The following RRBP1 variants were observed in gnomAD, a reference collection of about 807,000 sequenced individuals.
RRBP1 encodes ribosome binding protein 1, also known as ribosome-binding protein 1.
Under a neutral mutation model 165.2 loss-of-function variants are expected in RRBP1, and 94 were observed. The observed-to-expected ratio is 0.57, with a 90% CI of 0.48 to 0.68. RRBP1 has a LOEUF of 0.68. RRBP1 is among the 30% of genes least tolerant of loss of function. The pLI, the probability that RRBP1 is intolerant of heterozygous loss-of-function variation, is 0.00. For missense variants in RRBP1, 1,676 were observed against 1,763.0 expected (o/e 0.95, Z 0.88); for synonymous variants, 680 against 714.5 (o/e 0.95, Z 0.77).
intron 9 of RRBP1, among the ~76,000 whole-genome samples, chr20:17,628,982 G>T (rs751588749): frequency 1.3e-5 from 2 of 150,216 alleles, no homozygotes; most frequent in Non-Finnish European, 3.0e-5. Context: ...ATCCATCCCC[G>T]ACAGAAACAG....
chr20:17,622,007 C>T, intron 13 of RRBP1, 60 bp from the exon 14 acceptor site: 1 of 1,288,908 alleles, frequency 7.8e-7, no homozygotes, highest in Non-Finnish European at 1.1e-6. Context: ...GGGCACCTCC[C>T]CAGGTCTTTA....
At chr20:17,654,137 A>T (rs1001668044) in intron 3 of RRBP1, among the ~76,000 whole-genome samples, 1 of 152,184 alleles carries the variant, frequency 6.6e-6, no homozygotes, top group Non-Finnish European at 1.5e-5. Context: ...TGGGCCGTCC[A>T]CGTAACATAG....
At chr20:17,647,772 G>A (rs753532730) in intron 3 of RRBP1, among the ~76,000 whole-genome samples, 4 of 152,240 alleles carry the variant, frequency 2.6e-5, no homozygotes, top group Non-Finnish European at 4.4e-5. Flanking sequence ...GTCCAGATCA[G>A]TTCTGAGGGT....
chr20:17,638,324 G>A (rs973608638), intron 5 of RRBP1, among the ~76,000 whole-genome samples: 1 of 152,224 alleles, frequency 6.6e-6, no homozygotes, highest in Non-Finnish European at 1.5e-5. Flanking sequence ...CAAAGCTCAT[G>A]GAGACCAGGC....
Position 17,620,389 on chromosome 20 carries a change from G to T in RRBP1, c.3508-19C>A, listed in dbSNP as rs745935248. ...CCCGGGACTACAAAGCAAGGGGAAGGCTCCGTCAGACACGAGCACCTGGGG... is the reference window on the plus strand; with the variant it reads ...CCCGGGACTACAAAGCAAGGGGAAGTCTCCGTCAGACACGAGCACCTGGGG... On this transcript the variant is annotated intron_variant, in intron 17 of 24. Transcript: ENST00000377813. The T allele has an allele frequency of 5.0e-6, 8 of 1,607,248 alleles. No individual in the cohort carries two copies. The Admixed American group carries it at 6.7e-5, about 13-fold the overall frequency.
rs2122230490 is a variant in RRBP1, at chr20:17,614,682, C to A, written c.4194+55G>T. On this transcript the variant is annotated intron_variant, in intron 24 of 24. Transcript: ENST00000377813. ...CTCTGCCTCTCCCGGTCCTGCCTCC[C>A]CGGGGCTCCCGGCAGCTCGACTCCT... is the stretch of plus-strand genomic sequence containing the variant. 10 of 1,598,656 alleles carry A rather than the reference C, an allele frequency of 6.3e-6. No individual in the cohort carries two copies. In the South Asian group the frequency reaches 9.9e-5, roughly 16 times the overall value.
intron 3 of RRBP1, among the ~76,000 whole-genome samples, chr20:17,648,490 G>A (rs568634482): frequency 1.3e-5 from 2 of 152,378 alleles, no homozygotes; most frequent in East Asian, 3.9e-4. Context: ...CCAAGGAGGC[G>A]CAGCTGCACT....
intron 3 of RRBP1, among the ~76,000 whole-genome samples, chr20:17,652,762 C>T (rs933599698): frequency 6.6e-6 from 1 of 152,204 alleles, no homozygotes; most frequent in Non-Finnish European, 1.5e-5. Flanking sequence ...GCCGCCGCAG[C>T]CTTTCCAACA....
At position 17,659,606 on chromosome 20, in the gene RRBP1, T is replaced by A; in HGVS notation, c.902A>T (p.Lys301Met). ...KAEGAQNQAKKVEGAQNQGKK... is the reference protein window; with the variant it reads ...KAEGAQNQAKMVEGAQNQGKK... ...GCCCTGGTTCTGGGCCCCTTCTACC[T>A]TTTTGGCCTGGTTCTGAGCCCCCTC... Residue 301 changes from lysine (K) to methionine (M), a missense_variant, in exon 3 of 25, where the codon AAG becomes ATG. Lys to Met is a moderately conservative substitution (Grantham distance 95). This residue lies in a region of RRBP1 where 392 missense variants were observed against 382.5 expected (regional missense o/e 1.02). Coordinates refer to ENST00000377813, the MANE Select transcript of RRBP1 (RefSeq NM_001365613.2). The A allele has an allele frequency of 6.5e-7, 1 of 1,550,118 alleles. No individual in the cohort carries two copies. The highest frequency in any genetic ancestry group is 8.7e-7 in the Non-Finnish European group (1 of 1,146,760).
At chr20:17,641,253 T>G (rs182927462) in intron 5 of RRBP1, among the ~76,000 whole-genome samples, 1 of 152,184 alleles carries the variant, frequency 6.6e-6, no homozygotes, top group African/African-American at 2.4e-5. Flanking sequence ...CCGTTTGCTG[T>G]TCAGAGTGCA....
intron 18 of RRBP1, 50 bp downstream of exon 18, chr20:17,620,249 C>G (rs759847740): frequency 6.9e-7 from 1 of 1,442,512 alleles, no homozygotes; most frequent in Non-Finnish European, 9.8e-7. Flanking sequence ...ACGTCACTTT[C>G]AAAGAGGCTC....
At chr20:17,641,015 G>C (rs936585009) in intron 5 of RRBP1, among the ~76,000 whole-genome samples, 1 of 152,184 alleles carries the variant, frequency 6.6e-6, no homozygotes, top group Non-Finnish European at 1.5e-5. Flanking sequence ...GTGCTGCATG[G>C]GGCAAAGACG....
At position 17,617,508 on chromosome 20, in the gene RRBP1, G is replaced by A. The variant is rs867265355; in HGVS notation, c.3760-669C>T. 3.9e-5 allele frequency among the ~76,000 whole-genome samples: 6 copies of A among 152,328 alleles called. No homozygotes were observed. The South Asian group carries it at 1.0e-3, about 26-fold the overall frequency. ...ACCCCAGACATTCTTCCCTCCCTCT[G>A]AACAGCCCCTCCCAATGCAAATAAC... On this transcript the variant is annotated intron_variant, in intron 20 of 24. Coordinates refer to ENST00000377813, the MANE Select transcript of RRBP1 (RefSeq NM_001365613.2).
chr20:17,641,721 G>A (rs2036362851), intron 5 of RRBP1, 76 bp downstream of exon 5: 1 of 1,563,976 alleles, frequency 6.4e-7, no homozygotes, highest in Admixed American at 1.7e-5. Flanking sequence ...CGGAGCCCGG[G>A]ATCCACCGTG....
Position 17,615,464 on chromosome 20 carries a change from C to G in RRBP1, c.4017G>C (p.Glu1339Asp). ...LEKLRTAGPL[E>D]SSETEEASQL... ...GTGAGGCCTCCTCTGTTTCTGAAGA[C>G]TCTAGGGGGCCGGCTGTGCGGAGCT... Residue 1339 changes from glutamate to aspartate, a missense_variant, in exon 23 of 25, where the codon GAG (glutamate) becomes GAC (aspartate). This residue lies in a region of RRBP1 where 1,184 missense variants were observed against 1,167.1 expected (regional missense o/e 1.01). Coordinates refer to ENST00000377813, the MANE Select transcript of RRBP1 (RefSeq NM_001365613.2). 6.2e-7 allele frequency: 1 copy of G among 1,610,248 alleles called. No homozygotes were observed. The highest frequency in any genetic ancestry group is 8.5e-7 in the Non-Finnish European group (1 of 1,178,570).
At chr20:17,625,698 G>C (rs2036004487) in intron 11 of RRBP1, 96 bp from the exon 12 acceptor site, 25 of 1,029,534 alleles carry the variant, frequency 2.4e-5, no homozygotes, top group Non-Finnish European at 1.5e-6. Flanking sequence ...GTACCTTCGA[G>C]GCTGAACCAT....
intron 19 of RRBP1, chr20:17,619,430 TGC>T: frequency 2.1e-6 from 1 of 467,186 alleles, no homozygotes. Context: ...GCTGGGAGGC[TGC>T]CTTTTTGAAA....
At chr20:17,637,687 C>A (rs1027506794) in intron 5 of RRBP1, among the ~76,000 whole-genome samples, 1 of 152,194 alleles carries the variant, frequency 6.6e-6, no homozygotes, top group African/African-American at 2.4e-5. Flanking sequence ...TGGGAAAGAA[C>A]CCTGAGGAGG....
At chr20:17,630,371 C>A (rs1443787925) in intron 8 of RRBP1, among the ~76,000 whole-genome samples, 1 of 152,242 alleles carries the variant, frequency 6.6e-6, no homozygotes, top group Non-Finnish European at 1.5e-5. Flanking sequence ...ACATGTTACA[C>A]ACACACACGC....
Sources: gnomAD v4.1 joint callset for allele counts (sites outside exome capture counted in the v4.1 genomes callset) on GRCh38, gnomAD v4.1.1 for gene constraint, gnomAD v4.1.1 regional missense constraint, MANE v1.5 for transcripts, NCBI Gene and HGNC (gene_info 2026-07-23, HGNC 2026-07-21) for gene names.